ASXL1: variants seen among roughly 807,000 people sequenced by gnomAD.
ASXL1 encodes ASXL transcriptional regulator 1.
Under a neutral mutation model 89.1 loss-of-function variants are expected in ASXL1, and 65 were observed. That is an observed-to-expected ratio of 0.73 (90% CI 0.60 to 0.90). The LOEUF (loss-of-function observed/expected upper bound fraction) is 0.90, where lower values mean the gene tolerates loss of function less well. ASXL1 is among the 40% of genes least tolerant of loss of function. The pLI, the probability that ASXL1 is intolerant of heterozygous loss-of-function variation, is 0.00. For synonymous variants in ASXL1, 739 were observed against 746.9 expected (o/e 0.99, Z 0.17); for missense variants, 1,786 against 1,942.9 (o/e 0.92, Z 1.52).
At chr20:32,364,051 G>C (rs2048166017) in intron 1 of ASXL1, among the ~76,000 whole-genome samples, 1 of 152,142 alleles carries the variant, frequency 6.6e-6, no homozygotes, top group East Asian at 1.9e-4. Flanking sequence ...CTTCAAAAGA[G>C]AACCTAGGTT....
intron 4 of ASXL1, among the ~76,000 whole-genome samples, chr20:32,370,816 T>C (rs2048288654): frequency 6.6e-6 from 1 of 152,006 alleles, no homozygotes; most frequent in Non-Finnish European, 1.5e-5. Context: ...ATGCTTTTCT[T>C]GTAATCGAGC....
chr20:32,359,056 C>A, intron 1 of ASXL1: 1 of 609,970 alleles, frequency 1.6e-6, no homozygotes, highest in Non-Finnish European at 2.9e-6. Context: ...CCCCCCGCCC[C>A]GCGCAGCTAA....
At chr20:32,379,082 C>CA (rs1491412160) in intron 4 of ASXL1, among the ~76,000 whole-genome samples, 1 of 141,296 alleles carries the variant, frequency 7.1e-6, no homozygotes, top group African/African-American at 2.7e-5. Context: ...CTCTGTCTCT[C>CA]ACACACACAC....
In ASXL1 at chr20:32,435,220, TA is replaced by T; in HGVS notation, c.2509del (p.Met837Ter). 1 of 1,613,992 alleles carries T rather than the reference TA, an allele frequency of 6.2e-7. No homozygotes were observed. The highest frequency in any genetic ancestry group is 8.5e-7 in the Non-Finnish European group (1 of 1,180,010). ...TGQALDSHPT[M>X]KDPVNVTPSS... Reference sequence around the variant, plus strand: ...GCCAAGCTCTTGACAGTCATCCCACTATGAAGGATCCTGTAAATGTGACCCC... The same window carrying T: ...GCCAAGCTCTTGACAGTCATCCCACTTGAAGGATCCTGTAAATGTGACCCC... On this transcript the variant is annotated frameshift_variant, in exon 13 of 13. Transcript: ENST00000375687. LOFTEE classifies it low-confidence loss of function (END_TRUNC).
chr20:32,388,477 A>G (rs943563681), intron 4 of ASXL1, among the ~76,000 whole-genome samples: 5 of 152,156 alleles, frequency 3.3e-5, no homozygotes, highest in African/African-American at 4.8e-5. Context: ...TGCTTGGCCA[A>G]ATTTTTTATT....
intron 4 of ASXL1, among the ~76,000 whole-genome samples, chr20:32,403,798 T>G (rs962017195): frequency 6.6e-6 from 1 of 152,188 alleles, no homozygotes; most frequent in Non-Finnish European, 1.5e-5. Context: ...ATTGGTTAGT[T>G]TGGGGAGAAG....
intron 4 of ASXL1, among the ~76,000 whole-genome samples, chr20:32,378,868 C>A (rs1225120936): frequency 6.6e-6 from 1 of 151,910 alleles, no homozygotes; most frequent in Admixed American, 6.6e-5. Flanking sequence ...TGGCTCATGC[C>A]TGTAATCCCA....
intron 12 of ASXL1, chr20:32,434,146 G>A (rs1418155018): frequency 2.7e-6 from 2 of 736,126 alleles, no homozygotes; most frequent in African/African-American, 1.8e-5. Flanking sequence ...AATCCTTTGG[G>A]GTTTTAAAAT....
intron 4 of ASXL1, among the ~76,000 whole-genome samples, chr20:32,410,795 G>A (rs1053921491): frequency 6.6e-6 from 1 of 152,086 alleles, no homozygotes; most frequent in Admixed American, 6.6e-5. Flanking sequence ...TTGGGAGACC[G>A]AGGTGGGTGG....
chr20:32,359,872 G>A, intron 1 of ASXL1: 1 of 717,064 alleles, frequency 1.4e-6, no homozygotes, highest in Non-Finnish European at 2.6e-6. Flanking sequence ...GCTGATACCA[G>A]TAGTAACAGG....
intron 4 of ASXL1, among the ~76,000 whole-genome samples, chr20:32,373,975 A>G (rs922366083): frequency 6.6e-6 from 1 of 152,202 alleles, no homozygotes; most frequent in Non-Finnish European, 1.5e-5. Context: ...CCATGGTGTT[A>G]TATATAGACA....
intron 4 of ASXL1, among the ~76,000 whole-genome samples, chr20:32,410,368 T>C (rs940672319): frequency 1.3e-5 from 2 of 152,242 alleles, no homozygotes; most frequent in Admixed American, 1.3e-4. Flanking sequence ...AATGAACTTC[T>C]GGCCTCAAGT....
intron 4 of ASXL1, among the ~76,000 whole-genome samples, chr20:32,396,739 A>G (rs2048767911): frequency 6.6e-6 from 1 of 152,164 alleles, no homozygotes; most frequent in African/African-American, 2.4e-5. Context: ...CACTTAAAAA[A>G]TTATTCCCCT....
intron 4 of ASXL1, among the ~76,000 whole-genome samples, chr20:32,391,537 T>A (rs1202445458): frequency 6.6e-6 from 1 of 152,170 alleles, no homozygotes; most frequent in Non-Finnish European, 1.5e-5. Context: ...CAGGCTGGAG[T>A]GCAATGGCAA....
chr20:32,367,428 G>C (rs1569240457), intron 2 of ASXL1, among the ~76,000 whole-genome samples: 2 of 151,920 alleles, frequency 1.3e-5, no homozygotes, highest in Non-Finnish European at 2.9e-5. Context: ...AATGAGGAAA[G>C]AGGAGAGCAC....
intron 4 of ASXL1, among the ~76,000 whole-genome samples, chr20:32,387,500 G>C (rs1241357604): frequency 1.3e-5 from 2 of 152,148 alleles, no homozygotes; most frequent in East Asian, 1.9e-4. Flanking sequence ...TACAGAAGTG[G>C]GGAAGTGGTT....
At chr20:32,388,242 T>G (rs1433998549) in intron 4 of ASXL1, among the ~76,000 whole-genome samples, 1 of 152,212 alleles carries the variant, frequency 6.6e-6, no homozygotes, top group Non-Finnish European at 1.5e-5. Flanking sequence ...TGGCTTGATC[T>G]TGGCTCACTG....
Position 32,429,395 on chromosome 20 carries a change from C to T in ASXL1, c.529C>T (p.Leu177=). ...VMLPRVVLTP[L]KVNGAHVESA... is the part of the protein sequence containing the mutation. The stretch of plus-strand genomic sequence containing the variant: ...GCTGCCTCGAGTTGTCCTGACTCCT[C>T]TGAAGGTAAACGGGGCCCACGTGGA... The change falls in exon 7 of 13, where the codon CTG becomes TTG. Residue 177 remains leucine (L), a synonymous_variant. Coordinates refer to ENST00000375687, the MANE Select transcript of ASXL1 (RefSeq NM_015338.6). This position sits in a 1 kb window ranked among gnomAD's most constrained non-coding sequence, Gnocchi z 4.9. 6.2e-7 allele frequency: 1 copy of T among 1,614,134 alleles called. No homozygotes were observed. The highest frequency in any genetic ancestry group is 8.5e-7 in the Non-Finnish European group (1 of 1,180,030).
rs146261013 is a variant in ASXL1, at chr20:32,412,594, A to G, written c.253-15534A>G. ...GCATTACCCTTAAGAAAAGAAATAA[A>G]TTTTTTTTTTTTTTTTTTTGGAAAC... On this transcript the variant is annotated intron_variant, in intron 4 of 12. Transcript: ENST00000375687. 4.7e-3 allele frequency among the ~76,000 whole-genome samples: 652 copies of G among 137,562 alleles called. 5 individuals are homozygous for G. The highest frequency in any genetic ancestry group is 0.016 in the African/African-American group (596 of 37,026). 90.2% of individuals were successfully genotyped at this position (137,562 alleles called of 152,430 possible). A position where few individuals can be genotyped will look rare whatever the true frequency, so the allele number is the denominator to read the frequency against.
Sources: gnomAD v4.1 joint callset for allele counts (sites outside exome capture counted in the v4.1 genomes callset) on GRCh38, gnomAD v4.1.1 for gene constraint, Gnocchi (gnomAD v3.1) non-coding constraint, MANE v1.5 for transcripts, NCBI Gene and HGNC (gene_info 2026-07-23, HGNC 2026-07-21) for gene names.